The following PDE8A variants were observed in gnomAD, a reference collection of about 807,000 sequenced individuals.
PDE8A encodes phosphodiesterase 8A, also known as high affinity cAMP-specific and IBMX-insensitive 3',5'-cyclic phosphodiesterase 8A.
In PDE8A, 59 loss-of-function variants were observed where a neutral mutation model predicts 105.0. That is an observed-to-expected ratio of 0.56 (90% CI 0.46 to 0.70). PDE8A has a LOEUF of 0.70. PDE8A is among the 30% of genes least tolerant of loss of function. The pLI, the probability that PDE8A is intolerant of heterozygous loss-of-function variation, is 0.00. For synonymous variants in PDE8A, 355 were observed against 371.9 expected (o/e 0.95, Z 0.52); for missense variants, 1,014 against 1,045.9 (o/e 0.97, Z 0.42).
At chr15:85,045,159 G>T (rs1046979291) in intron 1 of PDE8A, among the ~76,000 whole-genome samples, 1 of 152,070 alleles carries the variant, frequency 6.6e-6, no homozygotes, top group Non-Finnish European at 1.5e-5. Context: ...TGCCTCAGAG[G>T]GGCCTTCCTT....
intron 8 of PDE8A, among the ~76,000 whole-genome samples, chr15:85,094,691 C>T (rs1346963523): frequency 6.6e-6 from 1 of 152,168 alleles, no homozygotes; most frequent in East Asian, 1.9e-4. Flanking sequence ...CGTTGGTCCC[C>T]TCCATCAAAT....
intron 9 of PDE8A, among the ~76,000 whole-genome samples, chr15:85,098,739 C>A (rs2141558115): frequency 6.6e-6 from 1 of 152,210 alleles, no homozygotes; most frequent in African/African-American, 2.4e-5. Flanking sequence ...GTGGGAAAAT[C>A]CCTTGAGCCC....
At chr15:85,068,647 A>G (rs1262544145) in intron 3 of PDE8A, among the ~76,000 whole-genome samples, 5 of 148,102 alleles carry the variant, frequency 3.4e-5, no homozygotes, top group African/African-American at 1.3e-4. Flanking sequence ...TCATGGTGGA[A>G]TGTTGCAAGG....
At chr15:85,027,786 C>T (rs1048597967) in intron 1 of PDE8A, among the ~76,000 whole-genome samples, 28 of 152,078 alleles carry the variant, frequency 1.8e-4, no homozygotes, top group African/African-American at 6.3e-4. Context: ...TATTTTACCA[C>T]GTAGAGGAGG....
chr15:85,136,699 T>C, intron 21 of PDE8A, 36 bp downstream of exon 21: 1 of 1,599,226 alleles, frequency 6.3e-7, no homozygotes, highest in Non-Finnish European at 8.6e-7. Context: ...TATTTTCCTC[T>C]AAATAATGGG....
chr15:84,983,413 G>T (rs370249581), intron 1 of PDE8A, among the ~76,000 whole-genome samples: 1 of 152,312 alleles, frequency 6.6e-6, no homozygotes, highest in East Asian at 1.9e-4. Context: ...AAGTTTGAGG[G>T]ATATAGTTTG....
chr15:85,123,112 A>G lies in PDE8A; in HGVS notation c.2004A>G (p.Thr668=). ...RQGIIDMVLA[T]EMTKHFEHVN... Reference sequence around the variant, plus strand: ...GGATTATCGACATGGTCTTAGCCACAGAAATGACAAAGCACTTTGAGCATG... The same window carrying G: ...GGATTATCGACATGGTCTTAGCCACGGAAATGACAAAGCACTTTGAGCATG... The change falls in exon 19 of 22, where the codon ACA becomes ACG. Residue 668 remains threonine, a synonymous_variant. Coordinates refer to ENST00000394553, the MANE Select transcript of PDE8A (RefSeq NM_002605.3). 6.2e-7 allele frequency: 1 copy of G among 1,614,098 alleles called. No homozygotes were observed. The highest frequency in any genetic ancestry group is 8.5e-7 in the Non-Finnish European group (1 of 1,179,918).
chr15:85,059,007 T>C (rs68184328), intron 1 of PDE8A, among the ~76,000 whole-genome samples: 13,492 of 152,218 alleles, frequency 0.089, 1,661 homozygotes, highest in African/African-American at 0.28. Flanking sequence ...TATTTTCTAG[T>C]GTATTTATAG....
intron 1 of PDE8A, among the ~76,000 whole-genome samples, chr15:84,982,739 G>A (rs2079738173): frequency 6.6e-6 from 1 of 152,190 alleles, no homozygotes; most frequent in South Asian, 2.1e-4. Flanking sequence ...TTAAATCAGT[G>A]TGAACTTTGT....
At chr15:85,084,229 G>GAGAGATTT (rs2081513248) in intron 6 of PDE8A, among the ~76,000 whole-genome samples, 1 of 152,068 alleles carries the variant, frequency 6.6e-6, no homozygotes, top group African/African-American at 2.4e-5. Flanking sequence ...TCCTTTACTA[G>GAGAGATTT]GGATCAAAGA....
intron 12 of PDE8A, 133 bp downstream of exon 12, chr15:85,109,263 T>C (rs1013801069): frequency 5.6e-6 from 3 of 537,860 alleles, no homozygotes; most frequent in Non-Finnish European, 1.0e-5. Flanking sequence ...TGGAAACTAG[T>C]GTTCCCTTTC....
intron 1 of PDE8A, among the ~76,000 whole-genome samples, chr15:84,993,490 A>T (rs1464922064): frequency 6.6e-6 from 1 of 151,564 alleles, no homozygotes; most frequent in Non-Finnish European, 1.5e-5. Context: ...TAAATTGTAC[A>T]ATCACTTAAA....
At position 85,098,071 on chromosome 15, in the gene PDE8A, C is replaced by T. The variant is rs769196186; in HGVS notation, c.941+35C>T. ...AAAAACAAGTACATCAATCAACATA[C>T]AGTGTTTTGGGTTATTGCAGAATTT... On this transcript the variant is annotated intron_variant, in intron 9 of 21. Coordinates refer to ENST00000394553, the MANE Select transcript of PDE8A (RefSeq NM_002605.3). The T allele has an allele frequency of 6.5e-6, 8 of 1,228,766 alleles. No individual in the cohort carries two copies. In the South Asian group the frequency reaches 7.3e-5, roughly 11 times the overall value. 76.1% of individuals were successfully genotyped at this position (1,228,766 alleles called of 1,614,324 possible).
At chr15:84,995,479 G>A (rs375809733) in intron 1 of PDE8A, among the ~76,000 whole-genome samples, 1 of 151,934 alleles carries the variant, frequency 6.6e-6, no homozygotes, top group African/African-American at 2.4e-5. Context: ...CACCACTCCT[G>A]GCTAATTAAA....
At chr15:85,087,833 A>G (rs1337008600) in intron 6 of PDE8A, among the ~76,000 whole-genome samples, 2 of 152,234 alleles carry the variant, frequency 1.3e-5, no homozygotes, top group Non-Finnish European at 2.9e-5. Context: ...CATATTACAT[A>G]TGCATTTGTA....
chr15:84,995,315 A>G, intron 1 of PDE8A, among the ~76,000 whole-genome samples: 1 of 111,646 alleles, frequency 9.0e-6, no homozygotes, highest in South Asian at 3.0e-4. Context: ...CACAGTATGT[A>G]CCTTTTTTTT....
intron 9 of PDE8A, 144 bp downstream of exon 9, chr15:85,098,180 T>C (rs2141556462): frequency 1.5e-6 from 1 of 650,200 alleles, no homozygotes; most frequent in Non-Finnish European, 2.8e-6. Context: ...CATAGTGTTT[T>C]CTTGGTGACT....
intron 1 of PDE8A, among the ~76,000 whole-genome samples, chr15:85,028,548 G>A (rs1418499881): frequency 6.6e-6 from 1 of 152,066 alleles, no homozygotes; most frequent in Non-Finnish European, 1.5e-5. Flanking sequence ...AAATTTTTGT[G>A]CTGCTAAATT....
rs140879067 is a variant in PDE8A at position 85,094,585 on chromosome 15, C to A, written c.853-3363C>A. On this transcript the variant is annotated intron_variant, in intron 8 of 21. Coordinates refer to ENST00000394553, the MANE Select transcript of PDE8A (RefSeq NM_002605.3). ...TGGTTTTCTCTCATCTCCCAAAAAC[C>A]CAATCTCTCTTCCAAATCCTGCTGT... Among the ~76,000 whole-genome samples the A allele has an allele frequency of 2.9e-3, 435 of 152,286 alleles. 2 individuals carry two copies. Among genetic ancestry groups the A allele is most frequent in the African/African-American group, 0.01 (421 of 41,548 alleles).
Sources: gnomAD v4.1 joint callset for allele counts (sites outside exome capture counted in the v4.1 genomes callset) on GRCh38, gnomAD v4.1.1 for gene constraint, MANE v1.5 for transcripts, NCBI Gene and HGNC (gene_info 2026-07-23, HGNC 2026-07-21) for gene names.